Variants in NINL observed in about 807,000 individuals in gnomAD.
NINL encodes ninein-like protein.
In NINL, 153 loss-of-function variants were observed where a neutral mutation model predicts 160.3. The ratio of observed to expected loss-of-function variants is 0.95; its 90% CI spans 0.84 to 1.09. NINL has a LOEUF of 1.09. NINL is among the 50% of genes least tolerant of loss of function. NINL has a pLI of 0.00. For missense variants in NINL, 1,829 were observed against 1,764.0 expected, an observed-to-expected ratio of 1.04 and a Z score of -0.66; for synonymous variants, 800 against 734.8, an observed-to-expected ratio of 1.09 and a Z score of -1.43.
intron 13 of NINL, 83 bp from the exon 14 acceptor site, chr20:25,482,183 T>C (rs2063404993): frequency 6.7e-7 from 1 of 1,498,730 alleles, no homozygotes; most frequent in Non-Finnish European, 8.9e-7. Flanking sequence ...TCCAGGGGGG[T>C]CCCTTGCAGG....
At chr20:25,545,452 G>A (rs778474040) in intron 1 of NINL, among the ~76,000 whole-genome samples, 4 of 145,532 alleles carry the variant, frequency 2.7e-5, no homozygotes, top group African/African-American at 1.0e-4. Context: ...TATGGGAGGT[G>A]TAAACCAAAA....
chr20:25,553,524 G>T (rs1254649148), intron 1 of NINL, among the ~76,000 whole-genome samples: 1 of 152,064 alleles, frequency 6.6e-6, no homozygotes, highest in Non-Finnish European at 1.5e-5. Flanking sequence ...CATTCCCATG[G>T]CAAAGATATT....
At chr20:25,467,114 C>T (rs2146382614) in intron 19 of NINL, among the ~76,000 whole-genome samples, 1 of 152,292 alleles carries the variant, frequency 6.6e-6, no homozygotes, top group African/African-American at 2.4e-5. Flanking sequence ...ATCAAAACAC[C>T]AAAGGGACCC....
chr20:25,513,818 G>A (rs1015020036), intron 3 of NINL, among the ~76,000 whole-genome samples: 6 of 152,076 alleles, frequency 3.9e-5, no homozygotes, highest in African/African-American at 1.2e-4. Flanking sequence ...TTTGCCTTCC[G>A]CCATGATTCT....
chr20:25,467,603 T>C, intron 18 of NINL, 145 bp from the exon 19 acceptor site: 1 of 675,406 alleles, frequency 1.5e-6, no homozygotes, highest in Non-Finnish European at 2.7e-6. Flanking sequence ...CTCCAGCCCC[T>C]CTCAGTCCCT....
At chr20:25,489,148 C>T in intron 13 of NINL, 96 bp downstream of exon 13, 4 of 1,181,006 alleles carry the variant, frequency 3.4e-6, no homozygotes, top group Non-Finnish European at 5.1e-6. Flanking sequence ...AGAGGCTCTC[C>T]CTGGAGCAGA....
intron 1 of NINL, among the ~76,000 whole-genome samples, chr20:25,554,636 CAAAAAAA>C (rs747557892): frequency 2.3e-5 from 2 of 85,800 alleles, no homozygotes; most frequent in African/African-American, 5.8e-5. Flanking sequence ...AAAAAAAAAA[CAAAAAAA>C]AAAAAAAAAA....
intron 3 of NINL, among the ~76,000 whole-genome samples, chr20:25,514,976 C>G (rs2064135709): frequency 6.6e-6 from 1 of 152,224 alleles, no homozygotes; most frequent in African/African-American, 2.4e-5. Flanking sequence ...TGGAGAACCT[C>G]TATTAGGGCT....
chr20:25,517,484 C>G lies in NINL; in HGVS notation c.277+269G>C, dbSNP rs114593831. 2.4e-3 allele frequency among the ~76,000 whole-genome samples: 361 copies of G among 152,342 alleles called. 1 individual carries two copies. Among genetic ancestry groups the G allele is most frequent in the African/African-American group, 8.5e-3 (354 of 41,574 alleles). On this transcript the variant is annotated intron_variant, in intron 3 of 23. Coordinates refer to ENST00000278886, the MANE Select transcript of NINL (RefSeq NM_025176.6). Reference sequence around the variant, plus strand: ...AGCCTGTGTCCCAGCAGCCCTGTCCCTGTAACAGGATTCCGATCAGTCACA... The same window carrying G: ...AGCCTGTGTCCCAGCAGCCCTGTCCGTGTAACAGGATTCCGATCAGTCACA...
intron 1 of NINL, among the ~76,000 whole-genome samples, chr20:25,579,634 G>A (rs1467511170): frequency 1.3e-5 from 2 of 152,148 alleles, no homozygotes; most frequent in African/African-American, 4.8e-5. Flanking sequence ...AAATGGCCCA[G>A]GACTCCACTA....
chr20:25,521,421 G>T (rs1487582733), intron 2 of NINL, among the ~76,000 whole-genome samples: 11 of 152,080 alleles, frequency 7.2e-5, no homozygotes, highest in Admixed American at 1.3e-4. Context: ...CATATTTGCG[G>T]GTGTGCTTCC....
At chr20:25,481,105 C>T (rs1018623834) in intron 14 of NINL, among the ~76,000 whole-genome samples, 2 of 152,098 alleles carry the variant, frequency 1.3e-5, no homozygotes, top group Non-Finnish European at 1.5e-5. Context: ...CCATATTGGC[C>T]TATTTTTTTT....
intron 1 of NINL, among the ~76,000 whole-genome samples, chr20:25,549,995 C>T (rs555602874): frequency 6.6e-6 from 1 of 152,302 alleles, no homozygotes; most frequent in East Asian, 1.9e-4. Context: ...ACTGAGAGGA[C>T]AGTGAAAAGA....
At chr20:25,491,620 C>G (rs2146693231) in intron 10 of NINL, 95 bp from the exon 11 acceptor site, 1 of 1,453,082 alleles carries the variant, frequency 6.9e-7, no homozygotes, top group East Asian at 2.3e-5. Flanking sequence ...CTTAGAAACG[C>G]CCCTGTCCTC....
At chr20:25,539,584 T>C (rs893020058) in intron 1 of NINL, among the ~76,000 whole-genome samples, 2 of 152,210 alleles carry the variant, frequency 1.3e-5, no homozygotes, top group African/African-American at 2.4e-5. Context: ...GTCCCATGTA[T>C]GTACAGGTGC....
chr20:25,518,749 TC>T (rs1317206914), intron 2 of NINL, among the ~76,000 whole-genome samples: 1 of 149,676 alleles, frequency 6.7e-6, no homozygotes, highest in Non-Finnish European at 1.5e-5. Context: ...TTCTCTCCCC[TC>T]CCCCACCCTG....
intron 12 of NINL, among the ~76,000 whole-genome samples, chr20:25,489,626 T>TA (rs1215364340): frequency 4.0e-5 from 6 of 151,858 alleles, no homozygotes; most frequent in Middle Eastern, 6.8e-3. Flanking sequence ...GGCCCTGCCC[T>TA]CCCTCCACGC....
chr20:25,481,955 G>A lies in NINL; in HGVS notation c.1810+13C>T. 2 of 1,594,008 alleles carry A rather than the reference G, an allele frequency of 1.3e-6. No individual in the cohort carries two copies. The highest frequency in any genetic ancestry group is 1.7e-6 in the Non-Finnish European group (2 of 1,176,192). ...GGCCTTGGGTCAGCCCCCTCCCAGG[G>A]ACGGGCTCCTACCTGCTGGGCCGAG... On this transcript the variant is annotated intron_variant, in intron 14 of 23. Coordinates refer to ENST00000278886, the MANE Select transcript of NINL (RefSeq NM_025176.6).
At chr20:25,455,178 C>T (rs923775669) in intron 23 of NINL, among the ~76,000 whole-genome samples, 4 of 152,168 alleles carry the variant, frequency 2.6e-5, no homozygotes, top group Non-Finnish European at 5.9e-5. Flanking sequence ...CACAGCTGGA[C>T]GTTCCTGTGC....
Sources: gnomAD v4.1 joint callset for allele counts (sites outside exome capture counted in the v4.1 genomes callset) on GRCh38, gnomAD v4.1.1 for gene constraint, MANE v1.5 for transcripts, NCBI Gene and HGNC (gene_info 2026-07-23, HGNC 2026-07-21) for gene names.